The following RGS7 variants were observed in gnomAD, a reference collection of about 807,000 sequenced individuals.
The protein encoded by RGS7 is regulator of G protein signaling 7, also known as regulator of G-protein signaling 7.
RGS7 carries 27 observed loss-of-function variants against 81.1 expected under a neutral mutation model. The observed-to-expected ratio is 0.33, with a 90% confidence interval of 0.25 to 0.46. The LOEUF (loss-of-function observed/expected upper bound fraction) is 0.46, where lower values mean the gene tolerates loss of function less well. Among genes scored for constraint, RGS7 ranks in the 20% least tolerant of loss-of-function variants. RGS7 has a pLI of 1.00. For missense variants in RGS7, 396 were observed against 607.4 expected (o/e 0.65, Z 3.66); for synonymous variants, 208 against 207.7 (o/e 1.00, Z -0.01).
chr1:241,055,439 G>C (rs1200099433), intron 3 of RGS7, among the ~76,000 whole-genome samples: 2 of 152,146 alleles, frequency 1.3e-5, no homozygotes, highest in Non-Finnish European at 2.9e-5. Flanking sequence ...TATTATAAAG[G>C]ATATTACAAA....
At chr1:241,255,656 T>C (rs2077024943) in intron 2 of RGS7, among the ~76,000 whole-genome samples, 1 of 152,226 alleles carries the variant, frequency 6.6e-6, no homozygotes, top group South Asian at 2.1e-4. Flanking sequence ...ATCTGCAATG[T>C]GCTTCCTTCT....
At chr1:240,846,387 C>T (rs530895743) in intron 9 of RGS7, among the ~76,000 whole-genome samples, 17 of 152,236 alleles carry the variant, frequency 1.1e-4, no homozygotes, top group South Asian at 8.3e-4. Flanking sequence ...AGAACTCATG[C>T]GCCACAGCTG....
intron 3 of RGS7, among the ~76,000 whole-genome samples, chr1:240,991,671 T>C (rs767957549): frequency 4.6e-5 from 7 of 152,262 alleles, no homozygotes; most frequent in Non-Finnish European, 8.8e-5. Context: ...TTTATATTTT[T>C]ATGTTTTAGT....
chr1:241,115,960 T>A (rs1305956447), intron 2 of RGS7, among the ~76,000 whole-genome samples: 1 of 152,104 alleles, frequency 6.6e-6, no homozygotes, highest in Non-Finnish European at 1.5e-5. Flanking sequence ...TCGCAATATC[T>A]CATGGATTAA....
intron 15 of RGS7, among the ~76,000 whole-genome samples, chr1:240,805,101 G>A (rs1688627670): frequency 6.6e-6 from 1 of 152,160 alleles, no homozygotes; most frequent in South Asian, 2.1e-4. Flanking sequence ...GGGAGTGGGT[G>A]CAGTGGCTTA....
intron 4 of RGS7, among the ~76,000 whole-genome samples, chr1:240,966,007 G>A (rs1682238006): frequency 6.6e-6 from 1 of 152,106 alleles, no homozygotes; most frequent in Non-Finnish European, 1.5e-5. Context: ...GTGCTTAATA[G>A]CTCTTCGTCG....
At chr1:240,996,958 T>C (rs1389802311) in intron 3 of RGS7, among the ~76,000 whole-genome samples, 1 of 152,110 alleles carries the variant, frequency 6.6e-6, no homozygotes, top group Non-Finnish European at 1.5e-5. Flanking sequence ...TTTGTTTGTT[T>C]GTTTGCTTGT....
At chr1:241,222,806 C>T (rs1573211539) in intron 2 of RGS7, among the ~76,000 whole-genome samples, 1 of 151,734 alleles carries the variant, frequency 6.6e-6, no homozygotes, top group Middle Eastern at 3.4e-3. Flanking sequence ...AAATGCTATC[C>T]CACCCCCAGC....
chr1:241,079,546 G>A (rs2063020218), intron 3 of RGS7, among the ~76,000 whole-genome samples: 1 of 152,094 alleles, frequency 6.6e-6, no homozygotes, highest in Non-Finnish European at 1.5e-5. Context: ...GCTAAGGACA[G>A]GGACAGTGAG....
intron 3 of RGS7, among the ~76,000 whole-genome samples, chr1:241,083,225 CAA>C (rs11304590): frequency 0.044 from 3,331 of 75,738 alleles, 109 homozygotes; most frequent in African/African-American, 0.13. Context: ...GACTCTGTCT[CAA>C]AAAAAAAAAA....
At chr1:241,254,814 A>C (rs2076989730) in intron 2 of RGS7, among the ~76,000 whole-genome samples, 1 of 152,198 alleles carries the variant, frequency 6.6e-6, no homozygotes, top group Non-Finnish European at 1.5e-5. Context: ...GGATTTTACC[A>C]CCTGGAAAGT....
chr1:241,119,119 T>G (rs1326210815), intron 2 of RGS7, among the ~76,000 whole-genome samples: 1 of 152,108 alleles, frequency 6.6e-6, no homozygotes, highest in East Asian at 1.9e-4. Context: ...TCAGTAAAAA[T>G]ATATATTAAT....
chr1:241,189,537 A>T (rs2072424020), intron 2 of RGS7, among the ~76,000 whole-genome samples: 1 of 152,152 alleles, frequency 6.6e-6, no homozygotes, highest in South Asian at 2.1e-4. Flanking sequence ...AGTCCAATTT[A>T]TTCACTTTTT....
At chr1:240,945,943 T>C (rs1034352638) in intron 4 of RGS7, among the ~76,000 whole-genome samples, 1 of 152,194 alleles carries the variant, frequency 6.6e-6, no homozygotes, top group Non-Finnish European at 1.5e-5. Flanking sequence ...TAAAATCTAA[T>C]ACACAAGCTT....
intron 2 of RGS7, among the ~76,000 whole-genome samples, chr1:241,261,106 C>CA (rs920114427): frequency 9.1e-4 from 136 of 150,188 alleles, no homozygotes; most frequent in Middle Eastern, 3.4e-3. Flanking sequence ...ACAAAACAAA[C>CA]AAAAAAAAAC....
At chr1:241,069,358 C>T (rs1037479508) in intron 3 of RGS7, among the ~76,000 whole-genome samples, 2 of 152,156 alleles carry the variant, frequency 1.3e-5, no homozygotes, top group Non-Finnish European at 2.9e-5. Flanking sequence ...ATTTTACCAC[C>T]TAGTGGTGGG....
At chr1:241,014,859 T>C (rs890459406) in intron 3 of RGS7, among the ~76,000 whole-genome samples, 30 of 152,126 alleles carry the variant, frequency 2.0e-4, no homozygotes, top group Admixed American at 8.5e-4. Flanking sequence ...GAAGAATAGG[T>C]TGGTTTCCGT....
At chr1:241,185,474 C>G (rs2072013757) in intron 2 of RGS7, among the ~76,000 whole-genome samples, 1 of 152,062 alleles carries the variant, frequency 6.6e-6, no homozygotes, top group Non-Finnish European at 1.5e-5. Flanking sequence ...AAGACATGAA[C>G]AACAGTACCA....
chr1:240,806,020 C>T (rs1441922448), intron 15 of RGS7, 120 bp downstream of exon 15: 6 of 870,502 alleles, frequency 6.9e-6, no homozygotes, highest in Non-Finnish European at 1.2e-5. Context: ...AGTTATTTTA[C>T]AGTTATCTAA....
Sources: gnomAD v4.1 joint callset for allele counts (sites outside exome capture counted in the v4.1 genomes callset) on GRCh38, gnomAD v4.1.1 for gene constraint, MANE v1.5 for transcripts, NCBI Gene and HGNC (gene_info 2026-07-23, HGNC 2026-07-21) for gene names.